OSBPL6: variants seen among roughly 807,000 people sequenced by gnomAD.
OSBPL6 encodes the protein oxysterol binding protein like 6.
A neutral mutation model predicts 125.8 loss-of-function variants in OSBPL6; 49 were observed. That is an observed-to-expected ratio of 0.39 (90% confidence interval 0.31 to 0.49). The LOEUF is 0.49. Ranked by LOEUF, OSBPL6 falls within the 20% of genes least tolerant of loss-of-function variation. The pLI is 0.88. For synonymous variants in OSBPL6, 394 were observed against 391.8 expected, an observed-to-expected ratio of 1.01 and a Z score of -0.07; for missense variants, 986 against 1,135.4, an observed-to-expected ratio of 0.87 and a Z score of 1.89.
At position 178,398,876 on chromosome 2, in the gene OSBPL6, T is replaced by G. The variant is rs998633000; in HGVS notation, c.*3317T>G. 1 of 152,178 alleles carries G rather than the reference T, an allele frequency of 6.6e-6. No homozygotes were observed. Among genetic ancestry groups the G allele is most frequent in the African/African-American group, 2.4e-5 (1 of 41,450 alleles). 9.4% of individuals were successfully genotyped at this position (152,178 alleles called of 1,614,324 possible). A position where few individuals can be genotyped will look rare whatever the true frequency, so the allele number is the denominator to read the frequency against. ...GGAGGAAAACCTGATTAAACTGTTT[T>G]GCTTAGTACTGGTTACAGCTGTAGC... On this transcript the variant is annotated 3_prime_UTR_variant, in exon 25 of 25. Transcript: ENST00000190611.
At chr2:178,325,712 T>C (rs1688644808) in intron 4 of OSBPL6, among the ~76,000 whole-genome samples, 1 of 152,234 alleles carries the variant, frequency 6.6e-6, no homozygotes, top group Admixed American at 6.5e-5. Context: ...CCCCAACTCA[T>C]TGAAGTACAT....
intron 1 of OSBPL6, among the ~76,000 whole-genome samples, chr2:178,263,806 CGTGTGTGTGT>C (rs71393413): frequency 2.8e-4 from 42 of 147,808 alleles, no homozygotes; most frequent in African/African-American, 9.7e-4. Flanking sequence ...ACTGTGTACA[CGTGTGTGTGT>C]GTGTGTGTGT....
At chr2:178,365,092 C>T (rs1692702981) in intron 13 of OSBPL6, among the ~76,000 whole-genome samples, 1 of 152,094 alleles carries the variant, frequency 6.6e-6, no homozygotes, top group East Asian at 1.9e-4. Flanking sequence ...AGGAGAATCA[C>T]TTGAACCCAG....
chr2:178,279,254 A>C (rs1683884757), intron 1 of OSBPL6, among the ~76,000 whole-genome samples: 1 of 152,200 alleles, frequency 6.6e-6, no homozygotes, highest in South Asian at 2.1e-4. Context: ...GGCTTGAATA[A>C]GAAAGGAGAG....
At chr2:178,362,930 T>C (rs1692486571) in intron 13 of OSBPL6, among the ~76,000 whole-genome samples, 1 of 152,234 alleles carries the variant, frequency 6.6e-6, no homozygotes, top group South Asian at 2.1e-4. Flanking sequence ...AACATTTTAA[T>C]GGCTTTCCCT....
chr2:178,298,695 C>CTTTTTTTTTTTTTTTTTTTT, intron 2 of OSBPL6, among the ~76,000 whole-genome samples: 1 of 141,668 alleles, frequency 7.1e-6, no homozygotes, highest in Admixed American at 7.0e-5. Flanking sequence ...TTTTTAGTTG[C>CTTTTTTTTTTTTTTTTTTTT]TTTTTTTTTT....
chr2:178,352,510 T>A (rs1691357638), intron 12 of OSBPL6, among the ~76,000 whole-genome samples: 1 of 152,180 alleles, frequency 6.6e-6, no homozygotes, highest in Non-Finnish European at 1.5e-5. Context: ...GAGATCGAAC[T>A]GCGAGGCGGC....
intron 2 of OSBPL6, among the ~76,000 whole-genome samples, chr2:178,304,711 G>A (rs115090948): frequency 1.4e-3 from 212 of 152,190 alleles, no homozygotes; most frequent in Admixed American, 1.8e-3. Context: ...ATGAATTTTG[G>A]TGCACATATT....
chr2:178,250,785 C>T lies in OSBPL6; in HGVS notation c.-350-34142C>T, dbSNP rs184313371. On this transcript the variant is annotated intron_variant, in intron 1 of 24. Coordinates refer to ENST00000190611, the MANE Select transcript of OSBPL6 (RefSeq NM_032523.4). The stretch of plus-strand genomic sequence containing the variant: ...GACTTCCCTTTGTATTCTCACAGAT[C>T]CTGCTCTGTACCTTCATGGTGCTGA... Among the ~76,000 whole-genome samples, 136 of 152,208 alleles carry T rather than the reference C, an allele frequency of 8.9e-4. 1 individual carries two copies. Among genetic ancestry groups the T allele is most frequent in the Admixed American group, 1.8e-3 (27 of 15,292 alleles).
At chr2:178,212,592 T>C (rs1450460864) in intron 1 of OSBPL6, among the ~76,000 whole-genome samples, 1 of 152,234 alleles carries the variant, frequency 6.6e-6, no homozygotes, top group Non-Finnish European at 1.5e-5. Context: ...CGAATAACTA[T>C]TGCAAACAGT....
chr2:178,283,266 A>G (rs1348493333), intron 1 of OSBPL6, among the ~76,000 whole-genome samples: 3 of 152,198 alleles, frequency 2.0e-5, no homozygotes, highest in Admixed American at 6.5e-5. Context: ...TAAGGGGGCA[A>G]TCATGGCATT....
intron 1 of OSBPL6, among the ~76,000 whole-genome samples, chr2:178,241,177 A>AT (rs1559151759): frequency 7.6e-6 from 1 of 130,752 alleles, no homozygotes; most frequent in African/African-American, 3.1e-5. Context: ...TATAGCACAG[A>AT]TATTTTTTTT....
chr2:178,217,928 A>G (rs555702820), intron 1 of OSBPL6, among the ~76,000 whole-genome samples: 26 of 152,336 alleles, frequency 1.7e-4, no homozygotes, highest in Admixed American at 1.6e-3. Context: ...GGAAAACCTT[A>G]TGGAGGACTT....
intron 13 of OSBPL6, among the ~76,000 whole-genome samples, chr2:178,368,718 G>GA (rs1437877802): frequency 6.7e-6 from 1 of 148,542 alleles, no homozygotes; most frequent in Admixed American, 6.7e-5. Flanking sequence ...TTTGAAGTTT[G>GA]AAAAAAATTT....
intron 2 of OSBPL6, among the ~76,000 whole-genome samples, chr2:178,297,848 T>A (rs552523603): frequency 9.9e-5 from 15 of 152,242 alleles, no homozygotes; most frequent in Non-Finnish European, 2.1e-4. Context: ...GAACTTTTTA[T>A]TGTAGTAAAA....
At chr2:178,222,556 T>C (rs1009526977) in intron 1 of OSBPL6, among the ~76,000 whole-genome samples, 1 of 152,150 alleles carries the variant, frequency 6.6e-6, no homozygotes, top group African/African-American at 2.4e-5. Flanking sequence ...GGCAGGAGAA[T>C]GGCGTGAACC....
chr2:178,228,231 C>T (rs1272144273), intron 1 of OSBPL6, among the ~76,000 whole-genome samples: 1 of 152,150 alleles, frequency 6.6e-6, no homozygotes, highest in Non-Finnish European at 1.5e-5. Context: ...GTTTAGTTAT[C>T]ATCCAATAAA....
At chr2:178,330,469 C>A (rs1689102920) in intron 5 of OSBPL6, among the ~76,000 whole-genome samples, 1 of 152,190 alleles carries the variant, frequency 6.6e-6, no homozygotes, top group African/African-American at 2.4e-5. Context: ...TTAAGGGCAA[C>A]TGATTTTAAT....
At chr2:178,350,122 C>T (rs1486415931) in intron 12 of OSBPL6, among the ~76,000 whole-genome samples, 1 of 152,176 alleles carries the variant, frequency 6.6e-6, no homozygotes, top group Admixed American at 6.5e-5. Flanking sequence ...ATTGATCCCA[C>T]ATTTGAGCCT....
Sources: gnomAD v4.1 joint callset for allele counts (sites outside exome capture counted in the v4.1 genomes callset) on GRCh38, gnomAD v4.1.1 for gene constraint, MANE v1.5 for transcripts, NCBI Gene and HGNC (gene_info 2026-07-23, HGNC 2026-07-21) for gene names.